Variants in SAAL1 observed in about 807,000 individuals in gnomAD.
The protein encoded by SAAL1 is protein SAAL1.
A neutral mutation model predicts 59.8 loss-of-function variants in SAAL1; 42 were observed. The ratio of observed to expected loss-of-function variants is 0.70; its 90% CI spans 0.55 to 0.91. The LOEUF (loss-of-function observed/expected upper bound fraction) is 0.91, where lower values mean the gene tolerates loss of function less well. Among genes scored for constraint, SAAL1 ranks in the 40% least tolerant of loss-of-function variants. SAAL1 has a pLI of 0.00. For synonymous variants in SAAL1, 191 were observed against 194.3 expected (o/e 0.98, Z 0.14); for missense variants, 542 against 561.1 (o/e 0.97, Z 0.34).
chr11:18,097,237 C>CA (rs1396402869), intron 2 of SAAL1, among the ~76,000 whole-genome samples: 2 of 138,754 alleles, frequency 1.4e-5, no homozygotes, highest in African/African-American at 5.3e-5. Flanking sequence ...ACTCTGTCTC[C>CA]AAAAAAAATA....
intron 10 of SAAL1, 122 bp from the exon 11 acceptor site, chr11:18,081,625 C>A: frequency 1.4e-6 from 1 of 708,988 alleles, no homozygotes; most frequent in Non-Finnish European, 2.5e-6. Flanking sequence ...AATGTCCCAC[C>A]TGAACCCACC....
chr11:18,103,970 A>G (rs745888470), intron 1 of SAAL1, among the ~76,000 whole-genome samples: 6 of 152,200 alleles, frequency 3.9e-5, no homozygotes, highest in Non-Finnish European at 5.9e-5. Context: ...TACAACCACC[A>G]TCACTCACTA....
At position 18,096,749 on chromosome 11, in the gene SAAL1, C is replaced by T. The variant is rs1848581079; in HGVS notation, c.333+22G>A. 4.1e-6 allele frequency: 5 copies of T among 1,227,090 alleles called. No individual in the cohort carries two copies. The South Asian group carries it at 6.0e-5, about 15-fold the overall frequency. The allele number at this position is 1,227,090 out of a possible 1,614,324, so 76.0% of individuals were successfully genotyped here. A position where few individuals can be genotyped will look rare whatever the true frequency, so the allele number is the denominator to read the frequency against. On this transcript the variant is annotated intron_variant, in intron 3 of 11. Transcript: ENST00000524803. ...GTTCTTATTGCTTCAAAGAAGAAGGCTTTAGAAATGTACATACTTACTCTT... is the reference window on the plus strand; with the variant it reads ...GTTCTTATTGCTTCAAAGAAGAAGGTTTTAGAAATGTACATACTTACTCTT...
chr11:18,105,785 G>T, intron 1 of SAAL1, 122 bp downstream of exon 1: 1 of 1,262,780 alleles, frequency 7.9e-7, no homozygotes, highest in Non-Finnish European at 1.1e-6. Context: ...GTCCCGCAGC[G>T]CACGCCTGGG....
chr11:18,082,926 A>G (rs1255154797), intron 10 of SAAL1, among the ~76,000 whole-genome samples: 3 of 152,166 alleles, frequency 2.0e-5, no homozygotes, highest in Non-Finnish European at 4.4e-5. Flanking sequence ...GCCAAGAGAA[A>G]CTTCTTAAGG....
intron 9 of SAAL1, among the ~76,000 whole-genome samples, chr11:18,085,054 C>T (rs1848448856): frequency 6.6e-6 from 1 of 152,198 alleles, no homozygotes; most frequent in African/African-American, 2.4e-5. Context: ...GTGTGAGCCA[C>T]AGCACCTGGC....
Position 18,089,346 on chromosome 11 carries a change from C to T in SAAL1, c.754G>A (p.Ala252Thr). ...CTCACCTACCGTACTTGTTTGGCAG[C>T]TTCAAGTATACAGGGCACAAGCCGA... ...VFRLVPCILE[A>T]AKQVRSENPE... Residue 252 changes from alanine (A) to threonine (T), a missense_variant, in exon 7 of 12, where the codon GCT becomes ACT. Coordinates refer to ENST00000524803, the MANE Select transcript of SAAL1 (RefSeq NM_138421.3). 1 of 1,554,014 alleles carries T rather than the reference C, an allele frequency of 6.4e-7. No homozygotes were observed. Among genetic ancestry groups the T allele is most frequent in the Middle Eastern group, 1.7e-4 (1 of 5,878 alleles).
chr11:18,092,234 G>C lies in SAAL1; in HGVS notation c.413+11C>G, dbSNP rs1485637177. 1.4e-6 allele frequency: 2 copies of C among 1,432,850 alleles called. No individual in the cohort carries two copies. Among genetic ancestry groups the C allele is most frequent in the Non-Finnish European group, 2.0e-6 (2 of 1,022,244 alleles). 88.8% of individuals were successfully genotyped at this position (1,432,850 alleles called of 1,614,324 possible). ...ATATATTAAAAAACATAATTATATA[G>C]TAAGACTTACCCAAGATTTTTATCA... On this transcript the variant is annotated intron_variant, in intron 4 of 11. Coordinates refer to ENST00000524803, the MANE Select transcript of SAAL1 (RefSeq NM_138421.3).
chr11:18,102,161 G>C (rs1848641266), intron 2 of SAAL1, among the ~76,000 whole-genome samples: 1 of 150,990 alleles, frequency 6.6e-6, no homozygotes, highest in Non-Finnish European at 1.5e-5. Flanking sequence ...CAGCACTTTG[G>C]GAGGCCGAGG....
intron 5 of SAAL1, 23 bp from the exon 6 acceptor site, chr11:18,090,313 A>G (rs1408561033): frequency 1.3e-6 from 2 of 1,555,826 alleles, no homozygotes; most frequent in African/African-American, 2.9e-5. Flanking sequence ...CGTGGGTTGA[A>G]TTTCTACTTT....
At chr11:18,084,919 C>G (rs1316278877) in intron 9 of SAAL1, among the ~76,000 whole-genome samples, 2 of 152,094 alleles carry the variant, frequency 1.3e-5, no homozygotes, top group Non-Finnish European at 2.9e-5. Flanking sequence ...GCATGCGTCA[C>G]CAAGCCTGGC....
At chr11:18,088,719 T>A (rs1848492522) in intron 7 of SAAL1, among the ~76,000 whole-genome samples, 1 of 152,206 alleles carries the variant, frequency 6.6e-6, no homozygotes, top group Non-Finnish European at 1.5e-5. Flanking sequence ...TTACTGAGAT[T>A]GAGAATACTG....
At chr11:18,095,309 T>G (rs1240694098) in intron 3 of SAAL1, among the ~76,000 whole-genome samples, 2 of 152,192 alleles carry the variant, frequency 1.3e-5, no homozygotes, top group East Asian at 3.8e-4. Context: ...AGTAAATATA[T>G]TTAAGACAGA....
rs769245380 is a variant in SAAL1 at position 18,090,170 on chromosome 11, C to T, written c.589+5G>A. 6.3e-7 allele frequency: 1 copy of T among 1,583,004 alleles called. No homozygotes were observed. The highest frequency in any genetic ancestry group is 2.0e-5 in the Admixed American group (1 of 50,824). On this transcript the variant is annotated splice_donor_5th_base_variant and intron_variant, in intron 6 of 11. Transcript: ENST00000524803. ...ATTTTTTTTCTAGAGTACATGATGA[C>T]TTACCATTTGTTGAACTTGACATAA...
At position 18,091,646 on chromosome 11, in the gene SAAL1, A is replaced by G. The variant is rs532203632; in HGVS notation, c.413+599T>C. Among the ~76,000 whole-genome samples the G allele has an allele frequency of 1.4e-4, 21 of 152,332 alleles. 1 individual carries two copies. In the South Asian group the frequency reaches 3.9e-3, roughly 29 times the overall value. On this transcript the variant is annotated intron_variant, in intron 4 of 11. Transcript: ENST00000524803. Reference sequence around the variant, plus strand: ...AAAGCCATGAACCCTTTGCCTAGAAAACTAATACACTCACAAAATTCAGCA... The same window carrying G: ...AAAGCCATGAACCCTTTGCCTAGAAGACTAATACACTCACAAAATTCAGCA...
intron 4 of SAAL1, 64 bp from the exon 5 acceptor site, chr11:18,090,557 A>G (rs1590286975): frequency 1.3e-6 from 2 of 1,545,210 alleles, no homozygotes; most frequent in Non-Finnish European, 8.7e-7. Context: ...CAGAGTTTTC[A>G]TTTAATTTTT....
At chr11:18,084,382 C>G (rs1374219650) in intron 9 of SAAL1, among the ~76,000 whole-genome samples, 2 of 152,218 alleles carry the variant, frequency 1.3e-5, no homozygotes, top group Non-Finnish European at 1.5e-5. Flanking sequence ...GCAACTTCTG[C>G]TTAAAACCCA....
Position 18,089,332 on chromosome 11 carries a change from T to C in SAAL1, c.768A>G (p.Val256=). 1 of 1,546,608 alleles carries C rather than the reference T, an allele frequency of 6.5e-7. No individual in the cohort carries two copies. Among genetic ancestry groups the C allele is most frequent in the East Asian group, 2.4e-5 (1 of 42,444 alleles). The part of the protein sequence containing the change: ...VPCILEAAKQ[V]RSENPEWLDV... ...TTTACACAAAAGAGCTCACCTACCG[T>C]ACTTGTTTGGCAGCTTCAAGTATAC... Residue 256 remains valine (V), a splice_region_variant and synonymous_variant, in exon 7 of 12, where the codon GTA becomes GTG. Coordinates refer to ENST00000524803, the MANE Select transcript of SAAL1 (RefSeq NM_138421.3).
chr11:18,081,939 ACT>A (rs1848415106), intron 10 of SAAL1, among the ~76,000 whole-genome samples: 1 of 152,028 alleles, frequency 6.6e-6, no homozygotes, highest in Admixed American at 6.6e-5. Flanking sequence ...TCCAGCCTCA[ACT>A]CTCTCTACTC....
Sources: gnomAD v4.1 joint callset for allele counts (sites outside exome capture counted in the v4.1 genomes callset) on GRCh38, gnomAD v4.1.1 for gene constraint, MANE v1.5 for transcripts, NCBI Gene and HGNC (gene_info 2026-07-23, HGNC 2026-07-21) for gene names.